The following COL19A1 variants were observed in gnomAD, a reference collection of about 807,000 sequenced individuals.
The protein encoded by COL19A1 is collagen alpha-1(XIX) chain.
A neutral mutation model predicts 190.2 loss-of-function variants in COL19A1; 159 were observed. The observed-to-expected ratio is 0.84, with a 90% CI of 0.73 to 0.95. COL19A1 has a LOEUF of 0.95. COL19A1 is among the 40% of genes least tolerant of loss of function. The pLI is 0.00. For missense variants in COL19A1, 1,418 were observed against 1,431.9 expected (o/e 0.99, Z 0.16); for synonymous variants, 509 against 458.9 (o/e 1.11, Z -1.39).
chr6:69,904,856 C>T (rs879313085), intron 4 of COL19A1, among the ~76,000 whole-genome samples: 4 of 152,196 alleles, frequency 2.6e-5, no homozygotes, highest in Admixed American at 6.5e-5. Context: ...CCTAGGCACA[C>T]GGCTTGTGCT....
At chr6:69,897,794 C>A (rs1213469488) in intron 2 of COL19A1, among the ~76,000 whole-genome samples, 1 of 152,088 alleles carries the variant, frequency 6.6e-6, no homozygotes, top group African/African-American at 2.4e-5. Context: ...AGCAATTTTC[C>A]ATATTAGCTA....
At position 70,112,692 on chromosome 6, in the gene COL19A1, G is replaced by T. The variant is rs140487259; in HGVS notation, c.1279-9188G>T. On this transcript the variant is annotated intron_variant, in intron 16 of 50. Transcript: ENST00000620364. Reference sequence around the variant, plus strand: ...CATAATTTAGAAAATCTGCTTTTATGAAATGGGTTAATTATGCCCATTGAA... The same window carrying T: ...CATAATTTAGAAAATCTGCTTTTATTAAATGGGTTAATTATGCCCATTGAA... 3.2e-3 allele frequency among the ~76,000 whole-genome samples: 484 copies of T among 152,248 alleles called. 3 individuals are homozygous for T. The highest frequency in any genetic ancestry group is 0.011 in the African/African-American group (458 of 41,564).
chr6:70,156,216 T>G lies in COL19A1; in HGVS notation c.2169T>G (p.Asp723Glu). The change falls in exon 32 of 51, where the codon GAT becomes GAG. Residue 723 changes from aspartate to glutamate, a missense_variant. By Grantham distance (45) the Asp-to-Glu change is conservative. Coordinates refer to ENST00000620364, the MANE Select transcript of COL19A1 (RefSeq NM_001858.6). ...GTGCTGGTGAGCCTGGAAAGTATGA[T>G]TCCATGGCCCGGAAGGTGAGAAGCC... The part of the protein sequence containing the change: ...EGGAGEPGKY[D>E]SMARKGDIGP... 6.2e-7 allele frequency: 1 copy of G among 1,613,318 alleles called. No homozygotes were observed. The highest frequency in any genetic ancestry group is 1.3e-5 in the African/African-American group (1 of 74,968).
intron 18 of COL19A1, among the ~76,000 whole-genome samples, chr6:70,130,640 C>T (rs1785465198): frequency 6.6e-6 from 1 of 152,200 alleles, no homozygotes; most frequent in Non-Finnish European, 1.5e-5. Flanking sequence ...GGAGGGTGTC[C>T]AGCCTGCAGT....
At chr6:69,911,204 C>T (rs182096650) in intron 4 of COL19A1, among the ~76,000 whole-genome samples, 433 of 152,188 alleles carry the variant, frequency 2.8e-3, no homozygotes, top group Non-Finnish European at 4.7e-3. Context: ...AATAATTGTG[C>T]CAACTGATAA....
intron 11 of COL19A1, among the ~76,000 whole-genome samples, chr6:69,966,893 A>G (rs767997838): frequency 2.6e-5 from 4 of 152,162 alleles, no homozygotes; most frequent in Non-Finnish European, 5.9e-5. Context: ...TAGAAATATT[A>G]CTTGGTTACA....
rs1316394681 is a variant in COL19A1 at position 70,130,368 on chromosome 6, G to A, written c.1383+145G>A. On this transcript the variant is annotated intron_variant, in intron 18 of 50. Transcript: ENST00000620364. ...AGCCTCCCAAGTAGCTGGGATTACA[G>A]GCATGTGCCACCTCTCCCGGCTAAT... 8 of 615,760 alleles carry A rather than the reference G, an allele frequency of 1.3e-5. No individual in the cohort carries two copies. The Admixed American group carries it at 1.9e-4, about 15-fold the overall frequency. The allele number at this position is 615,760 out of a possible 1,614,324, so 38.1% of individuals were successfully genotyped here.
chr6:69,988,216 C>T (rs1776412920), intron 11 of COL19A1, among the ~76,000 whole-genome samples: 1 of 152,288 alleles, frequency 6.6e-6, no homozygotes, highest in Middle Eastern at 3.4e-3. Context: ...TGGTTTACTA[C>T]ACCAAAGGCA....
At chr6:70,144,878 C>T in intron 24 of COL19A1, 40 bp from the exon 25 acceptor site, 3 of 1,294,876 alleles carry the variant, frequency 2.3e-6, no homozygotes, top group South Asian at 2.6e-5. Context: ...CCACCATGAA[C>T]CTGAGCATCA....
At chr6:70,153,400 G>A (rs923214028) in intron 31 of COL19A1, among the ~76,000 whole-genome samples, 1 of 152,102 alleles carries the variant, frequency 6.6e-6, no homozygotes, top group Non-Finnish European at 1.5e-5. Flanking sequence ...CTCTTTGAAC[G>A]ACTTTGTGTA....
At position 70,168,095 on chromosome 6, in the gene COL19A1, T is replaced by C. The variant is rs527616917; in HGVS notation, c.2496+20T>C. 8 of 1,586,050 alleles carry C rather than the reference T, an allele frequency of 5.0e-6. No individual in the cohort carries two copies. In the African/African-American group the frequency reaches 9.5e-5, roughly 19 times the overall value. ...ATTAAGGTATTTATATTTGTAATTA[T>C]TTAAAATCCAGTTATAGACTGCTGT... On this transcript the variant is annotated intron_variant, in intron 38 of 50. Coordinates refer to ENST00000620364, the MANE Select transcript of COL19A1 (RefSeq NM_001858.6).
chr6:70,181,800 G>A (rs1408737906), intron 44 of COL19A1, among the ~76,000 whole-genome samples: 2 of 152,056 alleles, frequency 1.3e-5, no homozygotes, highest in Non-Finnish European at 2.9e-5. Flanking sequence ...GAGAAGTCAA[G>A]CCATGGGAAG....
Position 69,917,816 on chromosome 6 carries a change from C to A in COL19A1, c.267-10093C>A, listed in dbSNP as rs117797509. Among the ~76,000 whole-genome samples, 832 of 151,732 alleles carry A rather than the reference C, an allele frequency of 5.5e-3. 18 individuals are homozygous for A. The East Asian group carries it at 0.069, about 12-fold the overall frequency. On this transcript the variant is annotated intron_variant, in intron 4 of 50. Transcript: ENST00000620364. ...TGAAATATACTAACAGTAATGATAGCTGATGAGCTAAAAAAAAATCACAAA... is the reference window on the plus strand; with the variant it reads ...TGAAATATACTAACAGTAATGATAGATGATGAGCTAAAAAAAAATCACAAA...
Position 69,921,450 on chromosome 6 carries a change from A to ATATTCATATAT in COL19A1, c.267-6458_267-6457insATTCATATATT, listed in dbSNP as rs368825990. On this transcript the variant is annotated intron_variant, in intron 4 of 50. Transcript: ENST00000620364. Reference sequence around the variant, plus strand: ...ATCATATATATCATATATATCATATATCATATATATCATATATATTCATAT... The same window carrying ATATTCATATAT: ...ATCATATATATCATATATATCATATATATTCATATATTCATATATATCATATATATTCATAT... Among the ~76,000 whole-genome samples the ATATTCATATAT allele has an allele frequency of 9.6e-4, 25 of 26,072 alleles. 2 individuals are homozygous for ATATTCATATAT. The highest frequency in any genetic ancestry group is 2.5e-3 in the East Asian group (2 of 812). 17.1% of individuals were successfully genotyped at this position (26,072 alleles called of 152,430 possible).
At position 70,055,794 on chromosome 6, in the gene COL19A1, A is replaced by AT. The variant is rs199612121; in HGVS notation, c.1171-12629_1171-12628insT. Among the ~76,000 whole-genome samples the AT allele has an allele frequency of 2.3e-3, 307 of 136,008 alleles. 4 individuals carry two copies. The highest frequency in any genetic ancestry group is 6.8e-3 in the African/African-American group (233 of 34,118). 89.2% of individuals were successfully genotyped at this position (136,008 alleles called of 152,430 possible). A position where few individuals can be genotyped will look rare whatever the true frequency, so the allele number is the denominator to read the frequency against. On this transcript the variant is annotated intron_variant, in intron 14 of 50. Coordinates refer to ENST00000620364, the MANE Select transcript of COL19A1 (RefSeq NM_001858.6). The stretch of plus-strand genomic sequence containing the variant: ...AAAACTCTGTATTAAAAAAAAAAAA[A>AT]AAAAAAAAAAATTCACATTTTAATG...
At chr6:70,098,519 CT>C in intron 15 of COL19A1, 1 of 464,872 alleles carries the variant, frequency 2.2e-6, no homozygotes. Flanking sequence ...ATTATTTCAT[CT>C]TTAAGCCTTG....
rs1304697483 is a variant in COL19A1 at position 70,210,089 on chromosome 6, G to T, written c.*2815G>T. On this transcript the variant is annotated 3_prime_UTR_variant, in exon 51 of 51. Transcript: ENST00000620364. ...GGGGAGAAGAATTATTCAATTTCAT[G>T]AATAACTCTTGTTTGCACTCCAGAA... 1 of 152,066 alleles carries T rather than the reference G, an allele frequency of 6.6e-6. No individual in the cohort carries two copies. Among genetic ancestry groups the T allele is most frequent in the Non-Finnish European group, 1.5e-5 (1 of 67,996 alleles). The allele number at this position is 152,066 out of a possible 1,614,324, so 9.4% of individuals were successfully genotyped here. A position where few individuals can be genotyped will look rare whatever the true frequency, so the allele number is the denominator to read the frequency against.
chr6:69,957,559 A>G (rs1023035033), intron 9 of COL19A1, among the ~76,000 whole-genome samples: 5 of 152,098 alleles, frequency 3.3e-5, no homozygotes, highest in Admixed American at 1.3e-4. Context: ...CCCGTAATGA[A>G]AAAAAAACCC....
chr6:69,918,140 T>C (rs535256882), intron 4 of COL19A1, among the ~76,000 whole-genome samples: 2 of 152,268 alleles, frequency 1.3e-5, no homozygotes, highest in East Asian at 3.9e-4. Flanking sequence ...CATCATACCT[T>C]ATGAGTCATG....
Sources: gnomAD v4.1 joint callset for allele counts (sites outside exome capture counted in the v4.1 genomes callset) on GRCh38, gnomAD v4.1.1 for gene constraint, MANE v1.5 for transcripts, NCBI Gene and HGNC (gene_info 2026-07-23, HGNC 2026-07-21) for gene names.